The following CADM2 variants were observed in gnomAD, a reference collection of about 807,000 sequenced individuals.
CADM2 encodes cell adhesion molecule 2.
A neutral mutation model predicts 49.8 loss-of-function variants in CADM2; 12 were observed. That is an observed-to-expected ratio of 0.24 (90% CI 0.15 to 0.39). The LOEUF (loss-of-function observed/expected upper bound fraction) is 0.39, where lower values mean the gene tolerates loss of function less well. CADM2 is among the 10% of genes least tolerant of loss of function. CADM2 has a pLI of 1.00. For missense variants in CADM2, 378 were observed against 492.3 expected (o/e 0.77, Z 2.20); for synonymous variants, 214 against 175.4 (o/e 1.22, Z -1.74).
At chr3:85,094,279 T>C in intron 1 of CADM2, among the ~76,000 whole-genome samples, 1 of 152,144 alleles carries the variant, frequency 6.6e-6, no homozygotes, top group Non-Finnish European at 1.5e-5. Context: ...AATAATTACC[T>C]AATAAATAAT....
At chr3:85,213,075 G>A (rs771624233) in intron 1 of CADM2, among the ~76,000 whole-genome samples, 9 of 151,730 alleles carry the variant, frequency 5.9e-5, no homozygotes, top group Non-Finnish European at 1.0e-4. Context: ...TAGAGACGGG[G>A]TTTCACCATG....
intron 8 of CADM2, among the ~76,000 whole-genome samples, chr3:86,058,541 A>T (rs1738258374): frequency 1.3e-5 from 2 of 152,236 alleles, no homozygotes; most frequent in African/African-American, 4.8e-5. Flanking sequence ...ACAATTTGTA[A>T]ATCCAGAGTT....
intron 1 of CADM2, among the ~76,000 whole-genome samples, chr3:85,510,935 C>T (rs1304449830): frequency 6.6e-6 from 1 of 151,872 alleles, no homozygotes; most frequent in Non-Finnish European, 1.5e-5. Flanking sequence ...TTCCAATATC[C>T]AATACAAAAC....
At chr3:85,370,872 C>T (rs1400377472) in intron 1 of CADM2, among the ~76,000 whole-genome samples, 2 of 152,006 alleles carry the variant, frequency 1.3e-5, no homozygotes, top group South Asian at 2.1e-4. Flanking sequence ...CTGATGATGT[C>T]GACCCTGCAG....
At chr3:85,304,284 A>G (rs1252560261) in intron 1 of CADM2, among the ~76,000 whole-genome samples, 1 of 151,858 alleles carries the variant, frequency 6.6e-6, no homozygotes, top group Non-Finnish European at 1.5e-5. Context: ...AAGGAATACC[A>G]GATATTCTTG....
At chr3:85,715,079 A>G (rs868001763) in intron 1 of CADM2, among the ~76,000 whole-genome samples, 42 of 152,308 alleles carry the variant, frequency 2.8e-4, no homozygotes, top group South Asian at 1.4e-3. Context: ...TTACACATTT[A>G]TGTGATTCTA....
intron 7 of CADM2, among the ~76,000 whole-genome samples, chr3:85,952,885 G>A (rs1723618922): frequency 6.6e-6 from 1 of 150,834 alleles, no homozygotes; most frequent in Non-Finnish European, 1.5e-5. Flanking sequence ...AAAGGAAACT[G>A]ATCAGGAATA....
intron 3 of CADM2, among the ~76,000 whole-genome samples, chr3:85,833,403 G>C (rs563804935): frequency 1.3e-5 from 2 of 151,752 alleles, no homozygotes; most frequent in East Asian, 3.9e-4. Flanking sequence ...GTTTCAGTAG[G>C]ATTGGTAACA....
intron 1 of CADM2, among the ~76,000 whole-genome samples, chr3:85,461,212 A>C (rs892638608): frequency 1.3e-5 from 2 of 152,088 alleles, no homozygotes; most frequent in Non-Finnish European, 2.9e-5. Context: ...CAGAAATTTA[A>C]CACATAAAAA....
At chr3:85,406,118 C>A (rs1297909233) in intron 1 of CADM2, among the ~76,000 whole-genome samples, 2 of 151,792 alleles carry the variant, frequency 1.3e-5, no homozygotes, top group South Asian at 4.2e-4. Context: ...TAGAGACCAA[C>A]CAATAGACAA....
chr3:85,367,662 A>G (rs1260054629), intron 1 of CADM2, among the ~76,000 whole-genome samples: 2 of 151,988 alleles, frequency 1.3e-5, no homozygotes, highest in Non-Finnish European at 1.5e-5. Flanking sequence ...ATATATTTCT[A>G]AAGTCAGCAC....
intron 1 of CADM2, among the ~76,000 whole-genome samples, chr3:85,653,707 T>C (rs191068971): frequency 4.2e-4 from 64 of 152,072 alleles, no homozygotes; most frequent in African/African-American, 1.5e-3. Flanking sequence ...AGAATATAAA[T>C]GGAGTTTAAA....
chr3:85,097,065 T>C (rs2037827180), intron 1 of CADM2, among the ~76,000 whole-genome samples: 1 of 152,148 alleles, frequency 6.6e-6, no homozygotes, highest in African/African-American at 2.4e-5. Flanking sequence ...TTGTTACATA[T>C]GTATACATGT....
intron 3 of CADM2, among the ~76,000 whole-genome samples, chr3:85,862,644 A>T (rs1234602557): frequency 6.6e-6 from 1 of 152,044 alleles, no homozygotes; most frequent in Non-Finnish European, 1.5e-5. Flanking sequence ...ATGATACCAA[A>T]TTTTTTCTTT....
At chr3:85,668,857 G>A (rs2065652838) in intron 1 of CADM2, among the ~76,000 whole-genome samples, 1 of 152,016 alleles carries the variant, frequency 6.6e-6, no homozygotes, top group Admixed American at 6.6e-5. Context: ...TTGATTATGT[G>A]CAATGTCTCT....
chr3:86,017,969 T>C (rs1365398737), intron 8 of CADM2, among the ~76,000 whole-genome samples: 4 of 139,612 alleles, frequency 2.9e-5, no homozygotes, highest in African/African-American at 7.9e-5. Context: ...GCTGGTGCGC[T>C]GCACCCACTA....
Position 86,003,174 on chromosome 3 carries a change from G to A in CADM2, c.970+41527G>A, listed in dbSNP as rs117396200. On this transcript the variant is annotated intron_variant, in intron 8 of 9. Transcript: ENST00000383699. Reference sequence around the variant, plus strand: ...AGAGAAAATGGCAAATGAGTGCCACGTTTTCTTGCTGTCCATTATAAATAC... The same window carrying A: ...AGAGAAAATGGCAAATGAGTGCCACATTTTCTTGCTGTCCATTATAAATAC... Among the ~76,000 whole-genome samples the A allele has an allele frequency of 6.2e-3, 949 of 152,178 alleles. 8 individuals are homozygous for A. Among genetic ancestry groups the A allele is most frequent in the East Asian group, 0.051 (261 of 5,160 alleles).
At chr3:85,210,871 A>G (rs1026913711) in intron 1 of CADM2, among the ~76,000 whole-genome samples, 2 of 152,164 alleles carry the variant, frequency 1.3e-5, no homozygotes, top group African/African-American at 4.8e-5. Context: ...ATGTTACTTC[A>G]TTAAATGTTT....
At chr3:85,110,670 A>G (rs532804633) in intron 1 of CADM2, among the ~76,000 whole-genome samples, 1 of 152,036 alleles carries the variant, frequency 6.6e-6, no homozygotes, top group South Asian at 2.1e-4. Context: ...CTATTTGTTA[A>G]GCTGGCAAAT....
Sources: gnomAD v4.1 joint callset for allele counts (sites outside exome capture counted in the v4.1 genomes callset) on GRCh38, gnomAD v4.1.1 for gene constraint, MANE v1.5 for transcripts, NCBI Gene and HGNC (gene_info 2026-07-23, HGNC 2026-07-21) for gene names.